Variants in PLEK2 observed in about 807,000 individuals in gnomAD.
The protein encoded by PLEK2 is pleckstrin 2.
A neutral mutation model predicts 43.8 loss-of-function variants in PLEK2; 29 were observed. The ratio of observed to expected loss-of-function variants is 0.66; its 90% CI spans 0.49 to 0.90. The LOEUF is 0.90. PLEK2 is among the 40% of genes least tolerant of loss of function. The pLI, the probability that PLEK2 is intolerant of heterozygous loss-of-function variation, is 0.00. For synonymous variants in PLEK2, 162 were observed against 173.2 expected, an observed-to-expected ratio of 0.94 and a Z score of 0.51; for missense variants, 398 against 448.1, an observed-to-expected ratio of 0.89 and a Z score of 1.01.
intron 2 of PLEK2, among the ~76,000 whole-genome samples, chr14:67,396,639 C>T (rs2086012481): frequency 6.6e-6 from 1 of 152,252 alleles, no homozygotes; most frequent in African/African-American, 2.4e-5. Flanking sequence ...TTACTCAAGA[C>T]ATTCTACCTG....
chr14:67,400,948 C>A (rs996400341), intron 1 of PLEK2, among the ~76,000 whole-genome samples: 1 of 151,192 alleles, frequency 6.6e-6, no homozygotes, highest in Admixed American at 6.6e-5. Context: ...TATGATCACA[C>A]CACAGCACTC....
chr14:67,389,941 C>T (rs1455790967), intron 7 of PLEK2, among the ~76,000 whole-genome samples: 1 of 152,070 alleles, frequency 6.6e-6, no homozygotes, highest in Non-Finnish European at 1.5e-5. Flanking sequence ...CTGCCACATC[C>T]CTCCCTGGCC....
chr14:67,391,685 T>G (rs183657015), intron 6 of PLEK2, among the ~76,000 whole-genome samples: 9 of 152,350 alleles, frequency 5.9e-5, no homozygotes, highest in African/African-American at 2.2e-4. Flanking sequence ...TCTGCTACAC[T>G]TCCTGGGCCA....
Position 67,390,743 on chromosome 14 carries a change from G to T in PLEK2, c.775C>A (p.His259Asn). 6.2e-7 allele frequency: 1 copy of T among 1,608,408 alleles called. No homozygotes were observed. Among genetic ancestry groups the T allele is most frequent in the Non-Finnish European group, 8.5e-7 (1 of 1,174,772 alleles). The change falls in exon 7 of 9, where the codon CAC becomes AAC. Residue 259 changes from histidine (H) to asparagine (N), a missense_variant. Transcript: ENST00000216446. The stretch of plus-strand genomic sequence containing the variant: ...CGCACCTTCCAGTTTTTCCTCTTGT[G>T]TCCCTGAGGCAAAGAAATGGTTCAA... ...VKQGYLAKQGHKRKNWKVRRF... is the reference protein window; with the variant it reads ...VKQGYLAKQGNKRKNWKVRRF...
intron 1 of PLEK2, among the ~76,000 whole-genome samples, chr14:67,405,425 G>A (rs1220586412): frequency 1.3e-5 from 2 of 151,828 alleles, no homozygotes; most frequent in Non-Finnish European, 2.9e-5. Context: ...TAATAATATG[G>A]CACCAAGGCA....
In PLEK2 at chr14:67,392,426, G is replaced by A. The variant is rs1375645458; in HGVS notation, c.671C>T (p.Ala224Val). 3.7e-6 allele frequency: 6 copies of A among 1,609,462 alleles called. No individual in the cohort carries two copies. Among genetic ancestry groups the A allele is most frequent in the Admixed American group, 3.3e-5 (2 of 60,008 alleles). ...GCTTATCTTCTTTTTGTAGCTCTCA[G>A]CCTAGGGGGAAGGAGGGAGCAAGGA... is the stretch of plus-strand genomic sequence containing the variant. ...LDDSTALYTF[A>V]ESYKKKISPK... Residue 224 changes from alanine to valine, a missense_variant and splice_region_variant, in exon 6 of 9, where the codon GCT becomes GTT. By Grantham distance (64) the Ala-to-Val change is moderately conservative. Transcript: ENST00000216446.
intron 1 of PLEK2, chr14:67,398,141 G>C (rs989532114): frequency 8.7e-6 from 2 of 229,406 alleles, no homozygotes; most frequent in African/African-American, 2.3e-5. Context: ...ATTTCCTTCC[G>C]GTCTTTTTTC....
chr14:67,389,875 T>TA (rs1342809242), intron 7 of PLEK2, among the ~76,000 whole-genome samples: 1 of 152,124 alleles, frequency 6.6e-6, no homozygotes, highest in Non-Finnish European at 1.5e-5. Context: ...CTCCATCCTG[T>TA]AGCCAGGCCA....
intron 1 of PLEK2, among the ~76,000 whole-genome samples, chr14:67,404,821 A>G (rs1236612426): frequency 6.6e-6 from 1 of 152,124 alleles, no homozygotes; most frequent in Non-Finnish European, 1.5e-5. Flanking sequence ...GAAAAAATAT[A>G]TATAGTACAT....
rs760827336 is a variant in PLEK2, at chr14:67,393,139, G to T, written c.481+11C>A. On this transcript the variant is annotated intron_variant, in intron 4 of 8. Transcript: ENST00000216446. Reference sequence around the variant, plus strand: ...TTGACTGCCCAGCCCGGCCCTGGGGGACAGGCTCACCGAGGAAGGTCTTTT... The same window carrying T: ...TTGACTGCCCAGCCCGGCCCTGGGGTACAGGCTCACCGAGGAAGGTCTTTT... 3.1e-6 allele frequency: 5 copies of T among 1,597,416 alleles called. No homozygotes were observed. Among genetic ancestry groups the T allele is most frequent in the South Asian group, 1.1e-5 (1 of 90,754 alleles).
At position 67,412,070 on chromosome 14, in the gene PLEK2, G is replaced by T; in HGVS notation, c.-11C>A. The T allele has an allele frequency of 6.5e-7, 1 of 1,537,322 alleles. No homozygotes were observed. Among genetic ancestry groups the T allele is most frequent in the African/African-American group, 1.4e-5 (1 of 69,898 alleles). ...CACGCCGTCCTCCATGTCGCCGCCC[G>T]CACGCCAGGGCCACCCCAGGTGCGC... On this transcript the variant is annotated 5_prime_UTR_variant, in exon 1 of 9. Transcript: ENST00000216446.
At chr14:67,389,609 T>G (rs941488361) in intron 7 of PLEK2, among the ~76,000 whole-genome samples, 2 of 152,128 alleles carry the variant, frequency 1.3e-5, no homozygotes, top group Admixed American at 1.3e-4. Flanking sequence ...TATATTTACA[T>G]GTATATGTAT....
At position 67,395,586 on chromosome 14, in the gene PLEK2, GT is replaced by G. The variant is rs1566626096; in HGVS notation, c.208-4del. ...TGAGTCTTCAGCTTAATGAGGAGCTGTGGGAAGAGAGAGCCAGTCAGGCCAG... is the reference window on the plus strand; with the variant it reads ...TGAGTCTTCAGCTTAATGAGGAGCTGGGGAAGAGAGAGCCAGTCAGGCCAG... On this transcript the variant is annotated splice_region_variant and splice_polypyrimidine_tract_variant and intron_variant, in intron 2 of 8. Transcript: ENST00000216446. 2 of 1,613,954 alleles carry G rather than the reference GT, an allele frequency of 1.2e-6. No homozygotes were observed. Among genetic ancestry groups the G allele is most frequent in the Admixed American group, 3.3e-5 (2 of 60,022 alleles).
intron 6 of PLEK2, among the ~76,000 whole-genome samples, chr14:67,392,043 C>T (rs1399698052): frequency 6.6e-6 from 1 of 152,106 alleles, no homozygotes; most frequent in African/African-American, 2.4e-5. Context: ...TGAAGCTGGG[C>T]AATTGTGTAG....
chr14:67,392,242 GCCCTT>G, intron 6 of PLEK2, 79 bp downstream of exon 6: 1 of 934,784 alleles, frequency 1.1e-6, no homozygotes, highest in Non-Finnish European at 1.8e-6. Context: ...AGCAGCCTCA[GCCCTT>G]CCCTTCTTCT....
intron 8 of PLEK2, 85 bp from the exon 9 acceptor site, chr14:67,387,541 C>A: frequency 7.3e-7 from 1 of 1,360,566 alleles, no homozygotes; most frequent in Non-Finnish European, 1.0e-6. Flanking sequence ...TCAACTGAGA[C>A]ATGGACAAAA....
At chr14:67,391,979 G>A (rs188031390) in intron 6 of PLEK2, among the ~76,000 whole-genome samples, 1 of 152,306 alleles carries the variant, frequency 6.6e-6, no homozygotes, top group East Asian at 1.9e-4. Context: ...GGAACAGAAG[G>A]CCAGCAAATG....
chr14:67,411,990 A>C (rs762711823), intron 1 of PLEK2, 28 bp downstream of exon 1: 2 of 1,531,818 alleles, frequency 1.3e-6, no homozygotes, highest in East Asian at 5.4e-5. Context: ...CCACCCGGGC[A>C]ATGTCCCGAA....
rs764777749 is a variant in PLEK2 at position 67,388,299 on chromosome 14, C to A, written c.859G>T (p.Glu287Ter). 6.2e-7 allele frequency: 1 copy of A among 1,609,070 alleles called. No homozygotes were observed. Among genetic ancestry groups the A allele is most frequent in the Admixed American group, 1.7e-5 (1 of 60,018 alleles). Residue 287 changes from glutamate (E) to a stop codon, truncating the protein, a stop_gained, in exon 8 of 9, where the codon GAG (glutamate) becomes TAG (stop). Transcript: ENST00000216446. LOFTEE classifies it high-confidence loss of function. ...GAAAACCCACCCACTGGCCTGTTCT[C>A]TTCCTGTAGAGGAAAGGAGACCCAA... ...FLHYYDPSKE[E>*]NRPVGGFSLR...
Sources: gnomAD v4.1 joint callset for allele counts (sites outside exome capture counted in the v4.1 genomes callset) on GRCh38, gnomAD v4.1.1 for gene constraint, MANE v1.5 for transcripts, NCBI Gene and HGNC (gene_info 2026-07-23, HGNC 2026-07-21) for gene names.